The following RTN4 variants were observed in gnomAD, a reference collection of about 807,000 sequenced individuals.
The protein encoded by RTN4 is reticulon 4.
RTN4 carries 32 observed loss-of-function variants against 90.4 expected under a neutral mutation model. That is an observed-to-expected ratio of 0.35 (90% confidence interval 0.27 to 0.48). The LOEUF (loss-of-function observed/expected upper bound fraction) is 0.48. Ranked by LOEUF, RTN4 falls within the 20% of genes least tolerant of loss-of-function variation. RTN4 has a pLI of 0.99. For synonymous variants in RTN4, 629 were observed against 552.5 expected (o/e 1.14, Z -1.94); for missense variants, 1,706 against 1,430.2 (o/e 1.19, Z -3.11).
chr2:55,039,649 G>C (rs1438744678), intron 1 of RTN4, among the ~76,000 whole-genome samples: 3 of 151,974 alleles, frequency 2.0e-5, no homozygotes, highest in Non-Finnish European at 4.4e-5. Context: ...GTGTAGTGTT[G>C]GGTGCCTGTA....
Position 54,999,649 on chromosome 2 carries a change from G to A in RTN4, c.3014-11951C>T, listed in dbSNP as rs530778363. On this transcript the variant is annotated intron_variant, in intron 3 of 8. Transcript: ENST00000337526. The stretch of plus-strand genomic sequence containing the variant: ...CAAATGAATATATAAATATTAGAAC[G>A]GTATTAAAATTTCAGTTGTTTTTCA... Among the ~76,000 whole-genome samples the A allele has an allele frequency of 1.6e-3, 237 of 151,706 alleles. 1 individual carries two copies. Among genetic ancestry groups the A allele is most frequent in the African/African-American group, 5.2e-3 (217 of 41,372 alleles).
At chr2:54,975,410 A>G (rs984310401) in intron 5 of RTN4, among the ~76,000 whole-genome samples, 2 of 152,210 alleles carry the variant, frequency 1.3e-5, no homozygotes. Flanking sequence ...GCCACCAGCT[A>G]CAGTGATTAT....
intron 3 of RTN4, among the ~76,000 whole-genome samples, chr2:55,007,548 G>A (rs1680318664): frequency 6.6e-6 from 1 of 152,062 alleles, no homozygotes; most frequent in South Asian, 2.1e-4. Context: ...AACCAAAAAG[G>A]TAAGTTTCTT....
intron 3 of RTN4, among the ~76,000 whole-genome samples, chr2:55,006,596 C>T (rs1371436320): frequency 2.0e-5 from 3 of 152,106 alleles, no homozygotes; most frequent in African/African-American, 7.2e-5. Flanking sequence ...AGTTTTAATG[C>T]TAGGAACATT....
chr2:54,979,499 CCTT>C (rs1677947571), intron 5 of RTN4, among the ~76,000 whole-genome samples: 3 of 152,094 alleles, frequency 2.0e-5, no homozygotes, highest in Non-Finnish European at 4.4e-5. Context: ...TTATCAGCTT[CCTT>C]TTTTCAATAA....
intron 1 of RTN4, among the ~76,000 whole-genome samples, chr2:55,085,408 C>G (rs1244656496): frequency 2.0e-5 from 3 of 152,144 alleles, no homozygotes; most frequent in Non-Finnish European, 2.9e-5. Context: ...ATCTGCAGGG[C>G]AGCCTGGAGA....
chr2:54,979,383 G>A (rs1677937361), intron 5 of RTN4, among the ~76,000 whole-genome samples: 1 of 152,120 alleles, frequency 6.6e-6, no homozygotes, highest in African/African-American at 2.4e-5. Context: ...TTTTTAAAAT[G>A]CTCTCTATAT....
chr2:55,058,807 G>A lies in RTN4; in HGVS notation c.-63+21682C>T, dbSNP rs576873056. Among the ~76,000 whole-genome samples, 18 of 152,186 alleles carry A rather than the reference G, an allele frequency of 1.2e-4. No individual in the cohort carries two copies. The South Asian group carries it at 3.7e-3, about 32-fold the overall frequency. The stretch of plus-strand genomic sequence containing the variant: ...CGTGGCAGCTCTGTTAGTTGCTCCT[G>A]GTACATTGTACAGTCAAAAATGCAA... On this transcript the variant is annotated intron_variant, in intron 2 of 3. Transcript: ENST00000427710.
Position 55,018,231 on chromosome 2 carries a change from T to G in RTN4, c.3013+6855A>C, listed in dbSNP as rs558060237. ...TGCTTGTTGGTCAGAAGATGTTCCA[T>G]AAATGATAGTCTTCCCTTTCCAGAT... On this transcript the variant is annotated intron_variant, in intron 3 of 8. Coordinates refer to ENST00000337526, the MANE Select transcript of RTN4 (RefSeq NM_020532.5). 2.3e-4 allele frequency among the ~76,000 whole-genome samples: 35 copies of G among 152,298 alleles called. No homozygotes were observed. The South Asian group carries it at 7.2e-3, about 32-fold the overall frequency.
intron 5 of RTN4, among the ~76,000 whole-genome samples, chr2:54,979,648 C>T (rs969814258): frequency 6.6e-6 from 1 of 152,152 alleles, no homozygotes; most frequent in Non-Finnish European, 1.5e-5. Context: ...CAAGGTTTAT[C>T]GTTTATCAAG....
chr2:55,026,365 GTC>G lies in RTN4; in HGVS notation c.1732_1733del (p.Asp578LeufsTer23). The G allele has an allele frequency of 6.2e-7, 1 of 1,613,908 alleles. No individual in the cohort carries two copies. The highest frequency in any genetic ancestry group is 8.5e-7 in the Non-Finnish European group (1 of 1,179,892). On this transcript the variant is annotated frameshift_variant, in exon 3 of 9. Coordinates refer to ENST00000337526, the MANE Select transcript of RTN4 (RefSeq NM_020532.5). LOFTEE classifies it high-confidence loss of function. ...GTKIAYETKM[D>X]LVQTSEVMQE... ...GCATAACTTCTGATGTTTGAACCAA[GTC>G]CATTTTTGTTTCATAAGCAATCTTT...
Position 55,025,568 on chromosome 2 carries a change from T to G in RTN4, c.2531A>C (p.Asp844Ala). Reference sequence around the variant, plus strand: ...CTGTGCTTCCTTAGAAATAAATAAGTCATCATTTGAATAAACTGCAGTACT... The same window carrying G: ...CTGTGCTTCCTTAGAAATAAATAAGGCATCATTTGAATAAACTGCAGTACT... ...ELSTAVYSND[D>A]LFISKEAQIR... The change falls in exon 3 of 9, where the codon GAC becomes GCC. Residue 844 changes from aspartate (D) to alanine (A), a missense_variant. Physicochemically the swap from Asp to Ala is moderately radical, Grantham distance 126. Coordinates refer to ENST00000337526, the MANE Select transcript of RTN4 (RefSeq NM_020532.5). The G allele has an allele frequency of 6.2e-7, 1 of 1,613,692 alleles. No individual in the cohort carries two copies. Among genetic ancestry groups the G allele is most frequent in the Non-Finnish European group, 8.5e-7 (1 of 1,179,824 alleles).
intron 1 of RTN4, among the ~76,000 whole-genome samples, chr2:55,099,352 T>C (rs1667810519): frequency 6.6e-6 from 1 of 152,122 alleles, no homozygotes; most frequent in Non-Finnish European, 1.5e-5. Flanking sequence ...TTATCCCTAC[T>C]GATGTCAAAA....
intron 3 of RTN4, among the ~76,000 whole-genome samples, chr2:55,003,427 G>A (rs1679983521): frequency 6.6e-6 from 1 of 151,998 alleles, no homozygotes; most frequent in Admixed American, 6.6e-5. Context: ...TGCCTAAGGG[G>A]CAGCTGAATC....
At chr2:55,131,356 G>A in the RTN4 span, among the ~76,000 whole-genome samples, 1 of 151,930 alleles carries the variant, frequency 6.6e-6, no homozygotes, top group Non-Finnish European at 1.5e-5. Context: ...CTACAGGCAT[G>A]CACCACCATA....
rs764019068 is a variant in RTN4 at position 55,050,339 on chromosome 2, G to A, written c.-39C>T. 2 of 1,299,334 alleles carry A rather than the reference G, an allele frequency of 1.5e-6. No individual in the cohort carries two copies. Among genetic ancestry groups the A allele is most frequent in the Non-Finnish European group, 1.0e-6 (1 of 1,001,342 alleles). 80.5% of individuals were successfully genotyped at this position (1,299,334 alleles called of 1,614,324 possible). A position where few individuals can be genotyped will look rare whatever the true frequency, so the allele number is the denominator to read the frequency against. On this transcript the variant is annotated 5_prime_UTR_variant, in exon 1 of 9. Coordinates refer to ENST00000337526, the MANE Select transcript of RTN4 (RefSeq NM_020532.5). The surrounding 1 kb of genome is among the most constrained non-coding windows in gnomAD (Gnocchi z 4.6). ...AGATGATGCTGCAGCTGCTGCCGCC[G>A]CCGCCGGGGCCGCGTCTCAGAGCCG...
intron 1 of RTN4, among the ~76,000 whole-genome samples, chr2:55,105,595 A>C (rs1250157654): frequency 1.3e-5 from 2 of 152,028 alleles, no homozygotes; most frequent in Admixed American, 6.6e-5. Context: ...ATCTATTATT[A>C]AGTAATAAAT....
In RTN4 at chr2:55,111,237, GA is replaced by G. The variant is rs905564450; in HGVS notation, c.-214+1282del. Among the ~76,000 whole-genome samples, 168 of 147,728 alleles carry G rather than the reference GA, an allele frequency of 1.1e-3. 2 individuals are homozygous for G. The highest frequency in any genetic ancestry group is 7.7e-3 in the East Asian group (39 of 5,074). The stretch of plus-strand genomic sequence containing the variant: ...TGAGGGATCACTGGAATACTTGCAT[GA>G]AAAAAAAAAATTCACTTTAACCTCA... On this transcript the variant is annotated intron_variant, in intron 1 of 3. Transcript: ENST00000427710.
chr2:55,050,100 T>G lies in RTN4; in HGVS notation c.201A>C (p.Pro67=), dbSNP rs756059643. The G allele has an allele frequency of 1.0e-5, 15 of 1,491,292 alleles. No homozygotes were observed. The highest frequency in any genetic ancestry group is 2.7e-6 in the Non-Finnish European group (3 of 1,125,570). 92.4% of individuals were successfully genotyped at this position (1,491,292 alleles called of 1,614,324 possible). The change falls in exon 1 of 9, where the codon CCA becomes CCC. Residue 67 remains proline (P), a synonymous_variant. Coordinates refer to ENST00000337526, the MANE Select transcript of RTN4 (RefSeq NM_020532.5). The surrounding 1 kb of genome is among the most constrained non-coding windows in gnomAD (Gnocchi z 4.6). ...CGCCGGCGGCAGGGGCGGTGGGCAC[T>G]GGGGCCGCGGACAGCCCGGCGGCGG... ...RKPAAGLSAA[P]VPTAPAAGAP...
Sources: gnomAD v4.1 joint callset for allele counts (sites outside exome capture counted in the v4.1 genomes callset) on GRCh38, gnomAD v4.1.1 for gene constraint, Gnocchi (gnomAD v3.1) non-coding constraint, MANE v1.5 for transcripts, NCBI Gene and HGNC (gene_info 2026-07-23, HGNC 2026-07-21) for gene names.